The following ARAF variants were observed in gnomAD, a reference collection of about 807,000 sequenced individuals.
The protein encoded by ARAF is A-Raf proto-oncogene, serine/threonine kinase, also known as serine/threonine-protein kinase A-Raf.
ARAF carries 18 observed loss-of-function variants against 48.0 expected under a neutral mutation model. The observed-to-expected ratio is 0.37, with a 90% CI of 0.26 to 0.56. ARAF has a LOEUF of 0.56. Ranked by LOEUF, ARAF falls within the 20% of genes least tolerant of loss-of-function variation. ARAF has a pLI of 0.77. For missense variants in ARAF, 389 were observed against 543.1 expected (o/e 0.72, Z 2.82); for synonymous variants, 207 against 220.1 (o/e 0.94, Z 0.53).
At position 47,571,178 on chromosome X, in the gene ARAF, GTA is replaced by G. The variant is rs1460711563; in HGVS notation, c.1687-143_1687-142del. ...GGCTGGGACTGTTGGGGGTGTGTGT[GTA>G]TGTGTGTTTCGCCATGAGGCTGGGA... On this transcript the variant is annotated intron_variant, in intron 15 of 15. Coordinates refer to ENST00000377045, the MANE Select transcript of ARAF (RefSeq NM_001654.5). The G allele has an allele frequency of 1.0e-5, 10 of 967,176 alleles. No homozygotes were observed. The African/African-American group carries it at 2.0e-4, about 19-fold the overall frequency. 79.7% of individuals were successfully genotyped at this position (967,176 alleles called of 1,213,427 possible).
At position 47,568,869 on chromosome X, in the gene ARAF, G is replaced by T; in HGVS notation, c.1228G>T (p.Ala410Ser). Residue 410 changes from alanine (A) to serine (S), a missense_variant, in exon 11 of 16, where the codon GCC becomes TCC. This residue lies in a region of ARAF where 170 missense variants were observed against 281.4 expected (regional missense o/e 0.60). Transcript: ENST00000377045. ...RFDMVQLIDV[A>S]RQTAQGMDYL... is the part of the protein sequence containing the mutation. ...CGACATGGTCCAGCTCATCGACGTG[G>T]CCCGGCAGACTGCCCAGGGCATGGA... is the stretch of plus-strand genomic sequence containing the variant. The T allele has an allele frequency of 8.3e-7, 1 of 1,210,530 alleles. No individual in the cohort carries two copies. The highest frequency in any genetic ancestry group is 1.8e-5 in the South Asian group (1 of 56,679).
intron 1 of ARAF, 60 bp from the exon 2 acceptor site, chrX:47,562,849 G>T (rs2057716104): frequency 1.8e-6 from 1 of 565,173 alleles, no homozygotes; most frequent in Non-Finnish European, 2.8e-6. Flanking sequence ...TTTGTCCCCT[G>T]CCACTTTGCT....
chrX:47,568,926 G>T (rs762622187), intron 11 of ARAF, 32 bp downstream of exon 11: 2 of 1,200,514 alleles, frequency 1.7e-6, no homozygotes, highest in Non-Finnish European at 2.2e-6. Context: ...GGGGTGGGGG[G>T]AAAGGGTGGG....
chrX:47,563,361 G>T (rs1326110906), intron 3 of ARAF, 32 bp downstream of exon 3: 1 of 1,086,400 alleles, frequency 9.2e-7, no homozygotes, highest in East Asian at 3.0e-5. Context: ...CCACCCACTG[G>T]GTGTCCCACC....
intron 1 of ARAF, among the ~76,000 whole-genome samples, chrX:47,562,501 GAAAA>G (rs751373820): frequency 4.5e-5 from 3 of 67,350 alleles, no homozygotes; most frequent in Non-Finnish European, 9.2e-5. Flanking sequence ...AAAAAAAACA[GAAAA>G]AAAAAAAAAA....
rs1281072095 is a variant in ARAF, at chrX:47,571,172, G to A, written c.1687-151G>A. 7 of 935,097 alleles carry A rather than the reference G, an allele frequency of 7.5e-6. No individual in the cohort carries two copies. In the African/African-American group the frequency reaches 1.4e-4, roughly 19 times the overall value. The allele number at this position is 935,097 out of a possible 1,213,427, so 77.1% of individuals were successfully genotyped here. A position where few individuals can be genotyped will look rare whatever the true frequency, so the allele number is the denominator to read the frequency against. On this transcript the variant is annotated intron_variant, in intron 15 of 15. Transcript: ENST00000377045. ...CCATGAGGCTGGGACTGTTGGGGGT[G>A]TGTGTGTATGTGTGTTTCGCCATGA... is the stretch of plus-strand genomic sequence containing the variant.
chrX:47,565,567 A>G, intron 6 of ARAF: 1 of 518,345 alleles, frequency 1.9e-6, no homozygotes, highest in African/African-American at 2.4e-5. Flanking sequence ...GATACTTTCT[A>G]CCATATAAAG....
chrX:47,562,848 T>C, intron 1 of ARAF, 61 bp from the exon 2 acceptor site: 2 of 563,330 alleles, frequency 3.6e-6, no homozygotes, highest in Non-Finnish European at 5.6e-6. Flanking sequence ...TTTTGTCCCC[T>C]GCCACTTTGC....
In ARAF at chrX:47,566,897, G is replaced by T. The variant is rs1187147586; in HGVS notation, c.713G>T (p.Ser238Ile). Reference sequence around the variant, plus strand: ...CTCTTCTTCTAGCTCACTGGCCAGAGTTTCAGCACTGATGGTGAGTCCCCT... The same window carrying T: ...CTCTTCTTCTAGCTCACTGGCCAGATTTTCAGCACTGATGGTGAGTCCCCT... ...DSNLIQLTGQ[S>I]FSTDAAGSRG... The change falls in exon 8 of 16, where the codon AGT (serine) becomes ATT (isoleucine). Residue 238 changes from serine (S) to isoleucine (I), a missense_variant. Coordinates refer to ENST00000377045, the MANE Select transcript of ARAF (RefSeq NM_001654.5). The T allele has an allele frequency of 8.3e-7, 1 of 1,211,611 alleles. No individual in the cohort carries two copies.
intron 2 of ARAF, 72 bp from the exon 3 acceptor site, chrX:47,563,154 T>G: frequency 8.7e-7 from 1 of 1,152,848 alleles, no homozygotes; most frequent in Non-Finnish European, 1.2e-6. Context: ...GGGAGGCCTT[T>G]GCAGAAGGAT....
Position 47,565,913 on chromosome X carries a change from A to G in ARAF, c.557+563A>G, listed in dbSNP as rs949426340. 3 of 160,865 alleles carry G rather than the reference A, an allele frequency of 1.9e-5. No homozygotes were observed. In the Admixed American group the frequency reaches 2.9e-4, roughly 16 times the overall value. 13.3% of individuals were successfully genotyped at this position (160,865 alleles called of 1,213,427 possible). A position where few individuals can be genotyped will look rare whatever the true frequency, so the allele number is the denominator to read the frequency against. On this transcript the variant is annotated intron_variant, in intron 6 of 15. Coordinates refer to ENST00000377045, the MANE Select transcript of ARAF (RefSeq NM_001654.5). ...ATCATGTTGTATTACATAATTTTAT[A>G]TAATGTAGAACATCATACATGTTTA...
chrX:47,569,521 G>A lies in ARAF; in HGVS notation c.1301-18G>A, dbSNP rs2057746476. On this transcript the variant is annotated intron_variant, in intron 12 of 15. Coordinates refer to ENST00000377045, the MANE Select transcript of ARAF (RefSeq NM_001654.5). Reference sequence around the variant, plus strand: ...CATGGCTATTAGGAGTCCCTGTAGTGGTCCTTGACCCTGGCGGACATCTTC... The same window carrying A: ...CATGGCTATTAGGAGTCCCTGTAGTAGTCCTTGACCCTGGCGGACATCTTC... 1 of 1,184,729 alleles carries A rather than the reference G, an allele frequency of 8.4e-7. No individual in the cohort carries two copies.
intron 9 of ARAF, 46 bp downstream of exon 9, chrX:47,567,177 G>A (rs562812579): frequency 1.4e-5 from 17 of 1,208,188 alleles, no homozygotes; most frequent in Middle Eastern, 2.3e-4. Context: ...GCTGAGTGAC[G>A]TGGGATGAGG....
chrX:47,571,212 GGTGTGTGTGTGTGTGTGTGTGT>G (rs753017950), intron 15 of ARAF, 89 bp from the exon 16 acceptor site: 5 of 576,017 alleles, frequency 8.7e-6, no homozygotes, highest in Non-Finnish European at 1.1e-5. Context: ...GGGACTGTTG[GGTGTGTGTGTGTGTGTGTGTGT>G]GTGTGTGTGT....
In ARAF at chrX:47,568,608, G is replaced by A. The variant is rs2057742738; in HGVS notation, c.1077-110G>A. 5 of 854,721 alleles carry A rather than the reference G, an allele frequency of 5.8e-6. No homozygotes were observed. In the South Asian group the frequency reaches 1.2e-4, roughly 21 times the overall value. The allele number at this position is 854,721 out of a possible 1,213,427, so 70.4% of individuals were successfully genotyped here. A position where few individuals can be genotyped will look rare whatever the true frequency, so the allele number is the denominator to read the frequency against. ...GGTCCTGAGTGCCCCAAAAGACAGG[G>A]TGAAAATAAATGACCGAGGAAGGTA... On this transcript the variant is annotated intron_variant, in intron 10 of 15. Transcript: ENST00000377045.
chrX:47,571,640 AGACT>A lies in ARAF; in HGVS notation c.*186_*189del. 1 of 620,884 alleles carries A rather than the reference AGACT, an allele frequency of 1.6e-6. No homozygotes were observed. Among genetic ancestry groups the A allele is most frequent in the South Asian group, 3.3e-5 (1 of 29,987 alleles). 51.2% of individuals were successfully genotyped at this position (620,884 alleles called of 1,213,427 possible). On this transcript the variant is annotated 3_prime_UTR_variant, in exon 16 of 16. Transcript: ENST00000377045. Reference sequence around the variant, plus strand: ...TCTGGAATTGGGGGACCCCCGCCAAAGACTGAGCCCCCTGTCTCCTCCATCATTT... The same window carrying A: ...TCTGGAATTGGGGGACCCCCGCCAAAGAGCCCCCTGTCTCCTCCATCATTT...
In ARAF at chrX:47,562,950, G is replaced by A; in HGVS notation, c.-18G>A. On this transcript the variant is annotated 5_prime_UTR_variant, in exon 2 of 16. It removes the in-frame stop codon of an upstream open reading frame in the 5' UTR. Transcript: ENST00000377045. ...GCCCAGCCCCACCTCAGCCCATCTT[G>A]ACAAAATCTAAGGCTCCATGGAGCC... 2 of 1,142,427 alleles carry A rather than the reference G, an allele frequency of 1.8e-6. No homozygotes were observed. The highest frequency in any genetic ancestry group is 2.3e-6 in the Non-Finnish European group (2 of 856,423). 94.1% of individuals were successfully genotyped at this position (1,142,427 alleles called of 1,213,427 possible).
In ARAF at chrX:47,563,156, C is replaced by T. The variant is rs1322816046; in HGVS notation, c.97-70C>T. 4 of 1,154,534 alleles carry T rather than the reference C, an allele frequency of 3.5e-6. No homozygotes were observed. In the African/African-American group the frequency reaches 7.1e-5, roughly 21 times the overall value. ...TGACAACGGTTGGGGGAGGCCTTTG[C>T]AGAAGGATGGGAACATCAGCTGCGC... On this transcript the variant is annotated intron_variant, in intron 2 of 15. Transcript: ENST00000377045.
rs896950658 is a variant in ARAF, at chrX:47,564,975, G to A, written c.304-10G>A. The A allele has an allele frequency of 8.3e-7, 1 of 1,212,045 alleles. No homozygotes were observed. The highest frequency in any genetic ancestry group is 1.1e-6 in the Non-Finnish European group (1 of 895,529). On this transcript the variant is annotated splice_polypyrimidine_tract_variant and intron_variant, in intron 4 of 15. Transcript: ENST00000377045. ...ACCAGGTCTCAAACTTCCCTGCTCT[G>A]TGGCATCAGGTACGGAAGACCTTCT...
Sources: allele counts gnomAD v4.1 joint callset (sites outside exome capture counted in the v4.1 genomes callset), GRCh38; gene constraint gnomAD v4.1.1; regional missense constraint gnomAD v4.1.1; transcripts MANE v1.5; gene names NCBI Gene and HGNC (gene_info 2026-07-23, HGNC 2026-07-21).